GRM8: variants seen among roughly 807,000 people sequenced by gnomAD.
GRM8 encodes glutamate metabotropic receptor 8, also known as metabotropic glutamate receptor 8.
A neutral mutation model predicts 87.2 loss-of-function variants in GRM8; 47 were observed. That is an observed-to-expected ratio of 0.54 (90% CI 0.43 to 0.69). GRM8 has a LOEUF of 0.69. Among genes scored for constraint, GRM8 ranks in the 30% least tolerant of loss-of-function variants. GRM8 has a pLI of 0.00. For synonymous variants in GRM8, 396 were observed against 404.5 expected, an observed-to-expected ratio of 0.98 and a Z score of 0.25; for missense variants, 1,019 against 1,139.2, an observed-to-expected ratio of 0.89 and a Z score of 1.52.
chr7:126,713,705 G>A (rs915423566), intron 7 of GRM8, among the ~76,000 whole-genome samples: 1 of 151,870 alleles, frequency 6.6e-6, no homozygotes, highest in African/African-American at 2.4e-5. Context: ...AAGGCTAGTG[G>A]GTGGGGAAAA....
intron 9 of GRM8, among the ~76,000 whole-genome samples, chr7:126,459,702 C>G (rs1291108911): frequency 6.6e-6 from 1 of 151,426 alleles, no homozygotes; most frequent in Non-Finnish European, 1.5e-5. Context: ...TCCACTCACC[C>G]CTTATCCCTG....
intron 9 of GRM8, among the ~76,000 whole-genome samples, chr7:126,509,226 C>T (rs184388053): frequency 2.6e-5 from 4 of 151,994 alleles, no homozygotes; most frequent in South Asian, 2.1e-4. Flanking sequence ...GTTAAAATAT[C>T]GAAATAGGTA....
At chr7:126,525,186 C>T (rs1813648984) in intron 9 of GRM8, among the ~76,000 whole-genome samples, 1 of 152,160 alleles carries the variant, frequency 6.6e-6, no homozygotes, top group South Asian at 2.1e-4. Context: ...TTTTACCTGG[C>T]TCGCTTCTCT....
chr7:127,241,205 C>G (rs968080873), intron 2 of GRM8, among the ~76,000 whole-genome samples: 1 of 152,190 alleles, frequency 6.6e-6, no homozygotes, highest in Non-Finnish European at 1.5e-5. Context: ...AGAGGCTGCA[C>G]AGCCACTCAA....
chr7:126,956,392 TTTTG>T (rs1808685762), intron 3 of GRM8, among the ~76,000 whole-genome samples: 1 of 152,182 alleles, frequency 6.6e-6, no homozygotes, highest in Non-Finnish European at 1.5e-5. Context: ...ATCTCACCAG[TTTTG>T]TTTGATTACA....
chr7:126,955,003 G>T (rs1350843375), intron 3 of GRM8, among the ~76,000 whole-genome samples: 1 of 152,154 alleles, frequency 6.6e-6, no homozygotes, highest in South Asian at 2.1e-4. Flanking sequence ...TCAGGCTTCA[G>T]AATGAGGAGA....
At chr7:126,796,215 A>G (rs983937567) in intron 6 of GRM8, among the ~76,000 whole-genome samples, 7 of 152,106 alleles carry the variant, frequency 4.6e-5, no homozygotes, top group Admixed American at 3.3e-4. Context: ...CCTTTTTTAT[A>G]TAATTTATCT....
At chr7:126,961,871 T>C (rs1188837731) in intron 3 of GRM8, among the ~76,000 whole-genome samples, 1 of 152,158 alleles carries the variant, frequency 6.6e-6, no homozygotes, top group Non-Finnish European at 1.5e-5. Flanking sequence ...CTGTTCCTCC[T>C]CTCTCAACTG....
chr7:126,868,421 G>A (rs1045709963), intron 6 of GRM8, among the ~76,000 whole-genome samples: 2 of 152,204 alleles, frequency 1.3e-5, no homozygotes, highest in African/African-American at 4.8e-5. Context: ...AAGGGGCCTA[G>A]AAAATGAGCT....
chr7:126,794,774 A>G (rs1237697924), intron 6 of GRM8, among the ~76,000 whole-genome samples: 1 of 152,142 alleles, frequency 6.6e-6, no homozygotes, highest in African/African-American at 2.4e-5. Context: ...AACGTTCTGT[A>G]ACTCCATCTT....
intron 6 of GRM8, among the ~76,000 whole-genome samples, chr7:126,890,268 T>C (rs2131076550): frequency 6.6e-6 from 1 of 152,216 alleles, no homozygotes; most frequent in Non-Finnish European, 1.5e-5. Flanking sequence ...AGCAACAGTA[T>C]CTGTTATATT....
intron 9 of GRM8, among the ~76,000 whole-genome samples, chr7:126,464,492 G>A (rs1047900347): frequency 2.0e-5 from 3 of 151,554 alleles, no homozygotes; most frequent in Non-Finnish European, 4.4e-5. Flanking sequence ...TGATAAGTAA[G>A]GACTTACTCT....
At chr7:127,184,409 A>G (rs1367987294) in intron 2 of GRM8, among the ~76,000 whole-genome samples, 1 of 151,956 alleles carries the variant, frequency 6.6e-6, no homozygotes, top group East Asian at 1.9e-4. Context: ...AAGCAATATT[A>G]CATTACTTGG....
intron 2 of GRM8, among the ~76,000 whole-genome samples, chr7:127,189,671 T>A (rs1794918284): frequency 6.6e-6 from 1 of 152,182 alleles, no homozygotes; most frequent in Non-Finnish European, 1.5e-5. Context: ...GTAAAACTGA[T>A]AACTGTGGGT....
intron 8 of GRM8, among the ~76,000 whole-genome samples, chr7:126,580,791 T>C (rs1357031798): frequency 6.6e-6 from 1 of 152,138 alleles, no homozygotes; most frequent in Admixed American, 6.6e-5. Flanking sequence ...GAAAATTCAA[T>C]GGAAGCCAAC....
Position 126,441,564 on chromosome 7 carries a change from A to G in GRM8, c.2678-2396T>C, listed in dbSNP as rs145080553. 4.7e-3 allele frequency among the ~76,000 whole-genome samples: 711 copies of G among 152,206 alleles called. 6 individuals carry two copies. The highest frequency in any genetic ancestry group is 0.016 in the African/African-American group (669 of 41,580). On this transcript the variant is annotated intron_variant, in intron 10 of 10. Transcript: ENST00000339582. ...TCGTAAGATAAAAGATACTTTAAAA[A>G]GCAAAGAATGTATGTGTTTCAATAT...
intron 3 of GRM8, among the ~76,000 whole-genome samples, chr7:127,102,023 G>A (rs754512407): frequency 6.6e-6 from 1 of 152,234 alleles, no homozygotes; most frequent in Admixed American, 6.5e-5. Context: ...CCTGTGTTAT[G>A]CCTTAGCAAA....
chr7:126,496,252 G>A (rs1286212704), intron 9 of GRM8, among the ~76,000 whole-genome samples: 2 of 151,832 alleles, frequency 1.3e-5, no homozygotes, highest in Admixed American at 1.3e-4. Context: ...AAGGAAGGAT[G>A]GATATACGGA....
chr7:126,565,085 G>C (rs1296970227), intron 8 of GRM8, among the ~76,000 whole-genome samples: 1 of 152,098 alleles, frequency 6.6e-6, no homozygotes, highest in East Asian at 1.9e-4. Flanking sequence ...CATATGAAAA[G>C]CCTACAGGTA....
Sources: allele counts gnomAD v4.1 joint callset (sites outside exome capture counted in the v4.1 genomes callset), GRCh38; gene constraint gnomAD v4.1.1; transcripts MANE v1.5; gene names NCBI Gene and HGNC (gene_info 2026-07-23, HGNC 2026-07-21).